The following FHIT variants were observed in gnomAD, a reference collection of about 807,000 sequenced individuals.
The protein encoded by FHIT is bis(5'-adenosyl)-triphosphatase.
A neutral mutation model predicts 17.9 loss-of-function variants in FHIT; 19 were observed. That is an observed-to-expected ratio of 1.06 (90% CI 0.74 to 1.56). FHIT has a LOEUF of 1.56. Among genes scored for constraint, FHIT ranks in the 40% most tolerant of loss-of-function variants. The pLI is 0.00. For missense variants in FHIT, 248 were observed against 189.2 expected (o/e 1.31, Z -1.82); for synonymous variants, 81 against 69.7 (o/e 1.16, Z -0.81).
intron 4 of FHIT, among the ~76,000 whole-genome samples, chr3:60,638,072 C>G (rs1376116514): frequency 6.6e-6 from 1 of 152,118 alleles, no homozygotes; most frequent in African/African-American, 2.4e-5. Context: ...CACAAACATT[C>G]AAACATTTCT....
intron 7 of FHIT, among the ~76,000 whole-genome samples, chr3:59,959,791 T>C (rs1707578791): frequency 1.3e-5 from 2 of 152,088 alleles, no homozygotes; most frequent in African/African-American, 4.8e-5. Flanking sequence ...AGGAAAGTAA[T>C]GGGAGCCTAT....
intron 5 of FHIT, among the ~76,000 whole-genome samples, chr3:60,161,175 C>G (rs1224575273): frequency 6.6e-6 from 1 of 152,308 alleles, no homozygotes; most frequent in East Asian, 1.9e-4. Flanking sequence ...ATCTGCCCAT[C>G]ATGTTTAATT....
At chr3:60,184,965 T>C (rs1702097510) in intron 5 of FHIT, among the ~76,000 whole-genome samples, 1 of 152,182 alleles carries the variant, frequency 6.6e-6, no homozygotes, top group African/African-American at 2.4e-5. Context: ...CCCATTATTG[T>C]GATTTATTTT....
At chr3:60,432,411 T>G (rs1238359935) in intron 5 of FHIT, among the ~76,000 whole-genome samples, 1 of 152,114 alleles carries the variant, frequency 6.6e-6, no homozygotes, top group African/African-American at 2.4e-5. Flanking sequence ...AGGAAAGAGC[T>G]CTGAGGGAAC....
chr3:59,795,680 T>C (rs1447529482), intron 8 of FHIT, among the ~76,000 whole-genome samples: 1 of 152,032 alleles, frequency 6.6e-6, no homozygotes, highest in Non-Finnish European at 1.5e-5. Context: ...TGAGCTATGA[T>C]TGCACCACTG....
At chr3:60,572,382 T>C (rs1479613631) in intron 4 of FHIT, among the ~76,000 whole-genome samples, 2 of 152,238 alleles carry the variant, frequency 1.3e-5, no homozygotes, top group Admixed American at 1.3e-4. Flanking sequence ...CACTCTGTTT[T>C]ATAATATTTA....
intron 5 of FHIT, among the ~76,000 whole-genome samples, chr3:60,215,273 T>C (rs528110044): frequency 1.3e-5 from 2 of 152,148 alleles, no homozygotes; most frequent in African/African-American, 4.8e-5. Flanking sequence ...AAGTGGATCA[T>C]GAGGTCAGGA....
intron 5 of FHIT, among the ~76,000 whole-genome samples, chr3:60,087,609 C>T (rs1042359456): frequency 6.6e-6 from 1 of 152,168 alleles, no homozygotes; most frequent in Non-Finnish European, 1.5e-5. Flanking sequence ...CCAGATACCC[C>T]ACCCTCATCA....
At chr3:60,296,865 G>A (rs1708234787) in intron 5 of FHIT, among the ~76,000 whole-genome samples, 1 of 145,758 alleles carries the variant, frequency 6.9e-6, no homozygotes. Flanking sequence ...TTTCCTAACT[G>A]TACAATTTGT....
At chr3:59,929,958 G>A (rs1322809842) in intron 7 of FHIT, among the ~76,000 whole-genome samples, 2 of 151,706 alleles carry the variant, frequency 1.3e-5, no homozygotes, top group African/African-American at 2.4e-5. Flanking sequence ...CTGGAAACAC[G>A]AGTAAGGGAA....
intron 5 of FHIT, among the ~76,000 whole-genome samples, chr3:60,322,179 G>A (rs954496849): frequency 6.6e-6 from 1 of 152,152 alleles, no homozygotes; most frequent in Non-Finnish European, 1.5e-5. Context: ...TATGATGCCT[G>A]CTCAATGTGT....
intron 5 of FHIT, among the ~76,000 whole-genome samples, chr3:60,027,692 C>G (rs58505225): frequency 0.012 from 1,722 of 149,288 alleles, 31 homozygotes; most frequent in African/African-American, 0.04. Flanking sequence ...ACTCTTAACT[C>G]AGAATCTCTT....
At chr3:60,699,588 A>T in intron 4 of FHIT, among the ~76,000 whole-genome samples, 1 of 148,034 alleles carries the variant, frequency 6.8e-6, no homozygotes, top group African/African-American at 2.6e-5. Context: ...TATAAGATAA[A>T]AGCATTATCG....
At chr3:60,152,472 G>C (rs1368748896) in intron 5 of FHIT, among the ~76,000 whole-genome samples, 1 of 152,214 alleles carries the variant, frequency 6.6e-6, no homozygotes, top group Non-Finnish European at 1.5e-5. Flanking sequence ...AAGGTCAAGA[G>C]ATCAGGGTAT....
At chr3:60,842,643 ATATTTTTTTT>A (rs1702775519) in intron 3 of FHIT, among the ~76,000 whole-genome samples, 28 of 48,240 alleles carry the variant, frequency 5.8e-4, no homozygotes, top group African/African-American at 1.5e-3. Context: ...ATATATATAT[ATATTTTTTTT>A]TTTTTTTTTT....
chr3:59,889,379 C>T (rs991210007), intron 8 of FHIT, among the ~76,000 whole-genome samples: 1 of 152,316 alleles, frequency 6.6e-6, no homozygotes, highest in African/African-American at 2.4e-5. Flanking sequence ...CCTAAAAGGA[C>T]AAGTCATGAA....
intron 5 of FHIT, among the ~76,000 whole-genome samples, chr3:60,418,374 GTGTATATATATATATATATA>G (rs1328701462): frequency 8.5e-4 from 2 of 2,360 alleles, no homozygotes; most frequent in African/African-American, 1.0e-3. Context: ...ATCTGAATGT[GTGTATATATATATATATATA>G]TATATATATA....
intron 5 of FHIT, among the ~76,000 whole-genome samples, chr3:60,250,127 G>T (rs1249559522): frequency 6.6e-6 from 1 of 151,842 alleles, no homozygotes; most frequent in Non-Finnish European, 1.5e-5. Context: ...AGAGAAAAAA[G>T]GGGAAAGAGA....
At chr3:59,820,440 C>T (rs1222770835) in intron 8 of FHIT, among the ~76,000 whole-genome samples, 1 of 152,218 alleles carries the variant, frequency 6.6e-6, no homozygotes, top group Non-Finnish European at 1.5e-5. Context: ...CTAAGATTGG[C>T]TACCCTTAGC....
Sources: gnomAD v4.1 joint callset for allele counts (sites outside exome capture counted in the v4.1 genomes callset) on GRCh38, gnomAD v4.1.1 for gene constraint, MANE v1.5 for transcripts, NCBI Gene and HGNC (gene_info 2026-07-23, HGNC 2026-07-21) for gene names.